EYA2: variants seen among roughly 807,000 people sequenced by gnomAD.
EYA2 encodes the protein protein phosphatase EYA2.
A neutral mutation model predicts 69.2 loss-of-function variants in EYA2; 31 were observed. That is an observed-to-expected ratio of 0.45 (90% CI 0.34 to 0.60). The LOEUF is 0.60. Ranked by LOEUF, EYA2 falls within the 20% of genes least tolerant of loss-of-function variation. EYA2 has a pLI of 0.02. For synonymous variants in EYA2, 257 were observed against 279.4 expected, an observed-to-expected ratio of 0.92 and a Z score of 0.80; for missense variants, 622 against 701.2, an observed-to-expected ratio of 0.89 and a Z score of 1.28.
At chr20:47,058,202 T>G (rs1017904983) in intron 5 of EYA2, among the ~76,000 whole-genome samples, 7 of 152,206 alleles carry the variant, frequency 4.6e-5, no homozygotes, top group African/African-American at 1.7e-4. Context: ...GAGGGATGTT[T>G]AGAATCATCG....
intron 5 of EYA2, among the ~76,000 whole-genome samples, chr20:47,048,491 A>C (rs2030160087): frequency 1.3e-5 from 2 of 152,346 alleles, no homozygotes; most frequent in Admixed American, 1.3e-4. Context: ...TAATTCTAGC[A>C]GTTTGGGAGA....
intron 9 of EYA2, among the ~76,000 whole-genome samples, chr20:47,119,932 G>A (rs570983715): frequency 2.6e-4 from 39 of 152,224 alleles, no homozygotes; most frequent in Non-Finnish European, 5.0e-4. Flanking sequence ...AATAGGCCGG[G>A]CACAGTGGCT....
chr20:46,957,277 A>G (rs965325252), intron 1 of EYA2, among the ~76,000 whole-genome samples: 2 of 152,184 alleles, frequency 1.3e-5, no homozygotes, highest in Non-Finnish European at 2.9e-5. Context: ...TAGCCTATCA[A>G]TGGCAAGCCT....
chr20:47,046,714 C>T (rs532222781), intron 5 of EYA2, among the ~76,000 whole-genome samples: 6 of 152,302 alleles, frequency 3.9e-5, no homozygotes, highest in East Asian at 1.9e-4. Flanking sequence ...GCTGCGACCA[C>T]GAAGGGTCCA....
chr20:46,987,960 CTCTCTATA>C (rs1429020708), intron 1 of EYA2, among the ~76,000 whole-genome samples: 5 of 24,078 alleles, frequency 2.1e-4, no homozygotes, highest in African/African-American at 3.5e-4. Context: ...CTCTCTCTCT[CTCTCTATA>C]TATATATATA....
At chr20:47,004,826 G>A in intron 3 of EYA2, 116 bp from the exon 4 acceptor site, 1 of 1,364,018 alleles carries the variant, frequency 7.3e-7, no homozygotes, top group Non-Finnish European at 1.0e-6. Flanking sequence ...CATGTATGTT[G>A]TCTCTGCTCT....
chr20:47,156,139 T>A (rs1253012866), intron 10 of EYA2, among the ~76,000 whole-genome samples: 3 of 12,202 alleles, frequency 2.5e-4, no homozygotes, highest in East Asian at 2.5e-3. Flanking sequence ...TATATATATA[T>A]ATATATATAT....
chr20:47,163,904 G>A lies in EYA2; in HGVS notation c.979-5235G>A, dbSNP rs575204283. ...CTGGGTCAGAAAGTAAAAATCCCTC[G>A]AGACGGGGATTGCACCAGGTCCCGG... On this transcript the variant is annotated intron_variant, in intron 10 of 15. Transcript: ENST00000327619. Among the ~76,000 whole-genome samples the A allele has an allele frequency of 5.7e-4, 86 of 152,062 alleles. 1 individual carries two copies. The highest frequency in any genetic ancestry group is 2.0e-3 in the African/African-American group (85 of 41,468).
At chr20:46,999,154 A>C (rs978243311) in intron 2 of EYA2, among the ~76,000 whole-genome samples, 3 of 152,256 alleles carry the variant, frequency 2.0e-5, no homozygotes, top group Non-Finnish European at 4.4e-5. Context: ...TGTTGTTCCC[A>C]TAGATTTAGA....
chr20:47,124,824 T>C (rs963870285), intron 9 of EYA2, among the ~76,000 whole-genome samples: 1 of 151,664 alleles, frequency 6.6e-6, no homozygotes, highest in East Asian at 1.9e-4. Flanking sequence ...CCTAGAAAAA[T>C]ACTTTAAAAG....
chr20:47,037,714 T>C (rs1984802540), intron 5 of EYA2, among the ~76,000 whole-genome samples: 1 of 152,196 alleles, frequency 6.6e-6, no homozygotes, highest in South Asian at 2.1e-4. Context: ...CCCATCTCTC[T>C]GACTCTTTCT....
At chr20:47,033,067 C>G (rs1432122550) in intron 5 of EYA2, among the ~76,000 whole-genome samples, 2 of 152,162 alleles carry the variant, frequency 1.3e-5, no homozygotes, top group Non-Finnish European at 2.9e-5. Flanking sequence ...TAAGAACTGG[C>G]AGCTCAAAAA....
At chr20:47,050,920 C>CAGAT (rs1474096232) in intron 5 of EYA2, among the ~76,000 whole-genome samples, 1 of 152,266 alleles carries the variant, frequency 6.6e-6, no homozygotes, top group African/African-American at 2.4e-5. Flanking sequence ...CTGGGACAGA[C>CAGAT]AGATACAGGA....
chr20:47,158,570 C>T (rs1423524992), intron 10 of EYA2, among the ~76,000 whole-genome samples: 1 of 151,096 alleles, frequency 6.6e-6, no homozygotes, highest in African/African-American at 2.4e-5. Context: ...AGCCCAGGAA[C>T]GATGACACCC....
intron 9 of EYA2, among the ~76,000 whole-genome samples, chr20:47,108,209 G>A (rs1413024120): frequency 1.3e-5 from 2 of 152,234 alleles, no homozygotes; most frequent in Non-Finnish European, 2.9e-5. Context: ...GGAGGTGTTT[G>A]GATCCTGGAG....
chr20:47,001,557 G>A, intron 3 of EYA2, 84 bp downstream of exon 3: 1 of 1,401,574 alleles, frequency 7.1e-7, no homozygotes, highest in Non-Finnish European at 1.0e-6. Flanking sequence ...GAGGGCCCTG[G>A]AGCCAGATTC....
chr20:47,172,413 C>T (rs2034339445), intron 11 of EYA2, among the ~76,000 whole-genome samples: 1 of 152,146 alleles, frequency 6.6e-6, no homozygotes, highest in Non-Finnish European at 1.5e-5. Flanking sequence ...CACTGCACTC[C>T]AACCTGGGCA....
At chr20:46,988,397 A>G (rs2146325717) in intron 1 of EYA2, among the ~76,000 whole-genome samples, 1 of 152,274 alleles carries the variant, frequency 6.6e-6, no homozygotes, top group African/African-American at 2.4e-5. Flanking sequence ...GCAGTTTGGT[A>G]ACTTGCTCAA....
chr20:47,089,775 C>G (rs1389270318), intron 8 of EYA2, among the ~76,000 whole-genome samples: 1 of 152,168 alleles, frequency 6.6e-6, no homozygotes, highest in Admixed American at 6.5e-5. Context: ...AAAGAATGGG[C>G]CTCCGACCTT....
Sources: allele counts gnomAD v4.1 joint callset (sites outside exome capture counted in the v4.1 genomes callset), GRCh38; gene constraint gnomAD v4.1.1; transcripts MANE v1.5; gene names NCBI Gene and HGNC (gene_info 2026-07-23, HGNC 2026-07-21).